The following GNAQ variants were observed in gnomAD, a reference collection of about 807,000 sequenced individuals.
The protein encoded by GNAQ is G protein subunit alpha q.
GNAQ carries 8 observed loss-of-function variants against 43.9 expected under a neutral mutation model. That is an observed-to-expected ratio of 0.18 (90% CI 0.11 to 0.33). The LOEUF (loss-of-function observed/expected upper bound fraction) is 0.33, where lower values mean the gene tolerates loss of function less well. Among genes scored for constraint, GNAQ ranks in the 10% least tolerant of loss-of-function variants. The pLI is 1.00. For synonymous variants in GNAQ, 155 were observed against 170.7 expected (o/e 0.91, Z 0.71); for missense variants, 158 against 450.8 (o/e 0.35, Z 5.88).
chr9:77,793,033 C>T lies in GNAQ; in HGVS notation c.735+1430G>A, dbSNP rs569737240. 6.6e-5 allele frequency among the ~76,000 whole-genome samples: 10 copies of T among 152,050 alleles called. No individual in the cohort carries two copies. The South Asian group carries it at 1.9e-3, about 28-fold the overall frequency. Reference sequence around the variant, plus strand: ...CCCTCAAAATATTTTTTTGTCTTGACACAACATTCAAAAAAATCAGAAGTG... The same window carrying T: ...CCCTCAAAATATTTTTTTGTCTTGATACAACATTCAAAAAAATCAGAAGTG... On this transcript the variant is annotated intron_variant, in intron 5 of 6. Coordinates refer to ENST00000286548, the MANE Select transcript of GNAQ (RefSeq NM_002072.5).
chr9:77,743,593 T>C (rs1825686808), intron 5 of GNAQ, among the ~76,000 whole-genome samples: 1 of 152,092 alleles, frequency 6.6e-6, no homozygotes, highest in Non-Finnish European at 1.5e-5. Context: ...TCAGGAACAA[T>C]GTGTGTTATG....
intron 5 of GNAQ, among the ~76,000 whole-genome samples, chr9:77,770,444 C>A (rs1034069493): frequency 6.6e-6 from 1 of 152,070 alleles, no homozygotes; most frequent in South Asian, 2.1e-4. Flanking sequence ...CCAGTGCCTG[C>A]CAGAATAAAA....
intron 1 of GNAQ, among the ~76,000 whole-genome samples, chr9:77,946,450 C>G (rs149568913): frequency 6.6e-6 from 1 of 152,008 alleles, no homozygotes; most frequent in Non-Finnish European, 1.5e-5. Context: ...TTTCCAAAAA[C>G]CCCAAAAACA....
At chr9:77,906,759 T>C (rs1828716302) in intron 2 of GNAQ, among the ~76,000 whole-genome samples, 1 of 152,230 alleles carries the variant, frequency 6.6e-6, no homozygotes, top group Admixed American at 6.5e-5. Flanking sequence ...GCTGCTAAAA[T>C]GTTAATGTAT....
chr9:78,023,987 C>T (rs149314445), intron 1 of GNAQ, among the ~76,000 whole-genome samples: 6 of 130,034 alleles, frequency 4.6e-5, no homozygotes, highest in Non-Finnish European at 7.3e-5. Flanking sequence ...GTAACATTTT[C>T]GTTCCCAACT....
At chr9:77,949,076 A>C (rs1332682711) in intron 1 of GNAQ, among the ~76,000 whole-genome samples, 1 of 152,172 alleles carries the variant, frequency 6.6e-6, no homozygotes, top group Non-Finnish European at 1.5e-5. Flanking sequence ...CCTTCTTAGG[A>C]TAACAGACAG....
At chr9:77,897,091 T>G (rs1335476819) in intron 2 of GNAQ, among the ~76,000 whole-genome samples, 1 of 152,146 alleles carries the variant, frequency 6.6e-6, no homozygotes, top group Non-Finnish European at 1.5e-5. Context: ...TTTGCCCCAT[T>G]ACAAAGGAGG....
At chr9:77,730,725 A>T (rs1373594959) in intron 5 of GNAQ, among the ~76,000 whole-genome samples, 3 of 152,226 alleles carry the variant, frequency 2.0e-5, no homozygotes, top group African/African-American at 7.2e-5. Flanking sequence ...GACAGCACAG[A>T]CTTTAACATA....
At chr9:77,891,285 G>A (rs935734150) in intron 2 of GNAQ, among the ~76,000 whole-genome samples, 1 of 151,788 alleles carries the variant, frequency 6.6e-6, no homozygotes, top group Non-Finnish European at 1.5e-5. Context: ...TCCATCTCTT[G>A]CTCTCTTTCG....
chr9:77,982,036 C>T (rs912344356), intron 1 of GNAQ, among the ~76,000 whole-genome samples: 1 of 152,154 alleles, frequency 6.6e-6, no homozygotes, highest in African/African-American at 2.4e-5. Context: ...AGGTTCCTAC[C>T]TGGAAGCTGG....
intron 1 of GNAQ, among the ~76,000 whole-genome samples, chr9:77,989,219 G>A (rs1348765096): frequency 1.3e-5 from 2 of 151,960 alleles, no homozygotes; most frequent in East Asian, 1.9e-4. Flanking sequence ...ATTCTCATCC[G>A]TCATTTTCTG....
chr9:77,879,771 G>T (rs957473797), intron 2 of GNAQ, among the ~76,000 whole-genome samples: 1 of 152,180 alleles, frequency 6.6e-6, no homozygotes, highest in Non-Finnish European at 1.5e-5. Flanking sequence ...AGATTCAACC[G>T]AAAGACTTAG....
chr9:77,976,620 G>T (rs1204067873), intron 1 of GNAQ, among the ~76,000 whole-genome samples: 1 of 152,156 alleles, frequency 6.6e-6, no homozygotes, highest in Non-Finnish European at 1.5e-5. Flanking sequence ...TCAAACTCCT[G>T]ACCTCGTGAT....
chr9:78,014,424 C>G (rs1262892486), intron 1 of GNAQ, among the ~76,000 whole-genome samples: 2 of 152,088 alleles, frequency 1.3e-5, no homozygotes, highest in African/African-American at 4.8e-5. Flanking sequence ...GCCCGACCAA[C>G]ATGGTGAAAC....
At position 77,922,157 on chromosome 9, in the gene GNAQ, C is replaced by A. The variant is rs1458041463; in HGVS notation, c.321+4G>T. On this transcript the variant is annotated splice_donor_region_variant and intron_variant, in intron 2 of 6. Transcript: ENST00000286548. ...TGACTGCTCCAATGAAGAGTCGCAC[C>A]TACCTTATTGTGCTCATACTTGTAT... The A allele has an allele frequency of 6.2e-7, 1 of 1,600,660 alleles. No individual in the cohort carries two copies. The highest frequency in any genetic ancestry group is 1.1e-5 in the South Asian group (1 of 90,544).
At chr9:77,740,274 G>A (rs1420902830) in intron 5 of GNAQ, among the ~76,000 whole-genome samples, 3 of 152,166 alleles carry the variant, frequency 2.0e-5, no homozygotes, top group East Asian at 1.9e-4. Flanking sequence ...GCTCAGTGAG[G>A]TGCCAGTGTC....
chr9:77,897,848 T>C (rs1828528307), intron 2 of GNAQ, among the ~76,000 whole-genome samples: 1 of 151,536 alleles, frequency 6.6e-6, no homozygotes, highest in Non-Finnish European at 1.5e-5. Flanking sequence ...ACATCAGTCA[T>C]TCAAACCCAT....
At chr9:77,730,779 A>G (rs556814847) in intron 5 of GNAQ, among the ~76,000 whole-genome samples, 3 of 152,208 alleles carry the variant, frequency 2.0e-5, no homozygotes, top group Non-Finnish European at 4.4e-5. Flanking sequence ...ATAGCCAGTG[A>G]TAAGATTTTA....
At chr9:78,018,975 G>T (rs777080230) in intron 1 of GNAQ, among the ~76,000 whole-genome samples, 1 of 152,100 alleles carries the variant, frequency 6.6e-6, no homozygotes, top group Non-Finnish European at 1.5e-5. Flanking sequence ...CGCTGCAGAA[G>T]AATCTGTTCT....
Sources: allele counts gnomAD v4.1 joint callset (sites outside exome capture counted in the v4.1 genomes callset), GRCh38; gene constraint gnomAD v4.1.1; transcripts MANE v1.5; gene names NCBI Gene and HGNC (gene_info 2026-07-23, HGNC 2026-07-21).